Variants in CCDC154 observed in about 807,000 individuals in gnomAD.
CCDC154 encodes the protein coiled-coil domain containing 154.
A neutral mutation model predicts 87.5 loss-of-function variants in CCDC154; 91 were observed. The observed-to-expected ratio is 1.04, with a 90% confidence interval of 0.88 to 1.24. The LOEUF is 1.24. Among genes scored for constraint, CCDC154 ranks in the 50% most tolerant of loss-of-function variants. CCDC154 has a pLI of 0.00. For synonymous variants in CCDC154, 418 were observed against 400.4 expected, an observed-to-expected ratio of 1.04 and a Z score of -0.52; for missense variants, 903 against 879.2, an observed-to-expected ratio of 1.03 and a Z score of -0.34.
In CCDC154 at chr16:1,444,013, C is replaced by G; in HGVS notation, c.8-1G>C. 1 of 1,298,598 alleles carries G rather than the reference C, an allele frequency of 7.7e-7. No homozygotes were observed. The highest frequency in any genetic ancestry group is 2.1e-4 in the Middle Eastern group (1 of 4,690). The allele number at this position is 1,298,598 out of a possible 1,614,324, so 80.4% of individuals were successfully genotyped here. ...CCTGAGGGTCCACTGTCAGCCAACTCTACAAGGAGGCATCTTGGGAGCTTG... is the reference window on the plus strand; with the variant it reads ...CCTGAGGGTCCACTGTCAGCCAACTGTACAAGGAGGCATCTTGGGAGCTTG... On this transcript the variant is annotated splice_acceptor_variant, in intron 1 of 16. Transcript: ENST00000389176. LOFTEE classifies it high-confidence loss of function.
At chr16:1,438,531 C>G (rs940850145) in intron 9 of CCDC154, 88 bp downstream of exon 9, 28 of 1,237,212 alleles carry the variant, frequency 2.3e-5, no homozygotes, top group Non-Finnish European at 3.1e-5. Context: ...AAGGTCATTC[C>G]CTGCTGAGTC....
chr16:1,434,685 G>A lies in CCDC154; in HGVS notation c.1860C>T (p.Gly620=), dbSNP rs545464337. The change falls in exon 16 of 17, where the codon GGC becomes GGT. Residue 620 remains glycine, a synonymous_variant. Transcript: ENST00000389176. ...PGKVVPMNCW[G]VYQAVRWLRW... ...CTGCCCACCTCACAGCCTGGTACACGCCCCAGCAGTTCATGGGCACCACCT... is the reference window on the plus strand; with the variant it reads ...CTGCCCACCTCACAGCCTGGTACACACCCCAGCAGTTCATGGGCACCACCT... 13 of 1,546,032 alleles carry A rather than the reference G, an allele frequency of 8.4e-6. No homozygotes were observed. The highest frequency in any genetic ancestry group is 4.9e-5 in the East Asian group (2 of 40,856).
rs1237543071 is a variant in CCDC154 at position 1,443,504 on chromosome 16, A to G, written c.414+2T>C. 1.4e-6 allele frequency: 2 copies of G among 1,457,292 alleles called. No individual in the cohort carries two copies. Among genetic ancestry groups the G allele is most frequent in the Non-Finnish European group, 1.8e-6 (2 of 1,114,028 alleles). 90.3% of individuals were successfully genotyped at this position (1,457,292 alleles called of 1,614,324 possible). A position where few individuals can be genotyped will look rare whatever the true frequency, so the allele number is the denominator to read the frequency against. ...CGACCTGTGGGTGGGGGAGCCGCTC[A>G]CCTCCGGCGCCTCCTTTTCGGGGGC... is the stretch of plus-strand genomic sequence containing the variant. On this transcript the variant is annotated splice_donor_variant, in intron 3 of 16. Transcript: ENST00000389176. LOFTEE classifies it high-confidence loss of function.
intron 12 of CCDC154, 29 bp from the exon 13 acceptor site, chr16:1,436,550 G>T: frequency 6.5e-7 from 1 of 1,546,968 alleles, no homozygotes. Context: ...GCGGCGGGCA[G>T]CCCCAGGGCG....
chr16:1,440,473 GAAGAGAAGAGAAGAGAACAGAA>G (rs1456731010), intron 6 of CCDC154, among the ~76,000 whole-genome samples: 5 of 149,916 alleles, frequency 3.3e-5, no homozygotes, highest in African/African-American at 1.2e-4. Context: ...GAAGGGAAGA[GAAGAGAAGAGAAGAGAACAGAA>G]AAGAGAAGAG....
chr16:1,443,053 C>A, intron 4 of CCDC154, 78 bp from the exon 5 acceptor site: 1 of 1,495,704 alleles, frequency 6.7e-7, no homozygotes, highest in South Asian at 1.2e-5. Flanking sequence ...GGCCAAGGGG[C>A]CCCTGTGGCC....
chr16:1,435,621 G>C (rs1055534076), intron 14 of CCDC154, among the ~76,000 whole-genome samples: 5 of 152,320 alleles, frequency 3.3e-5, no homozygotes, highest in African/African-American at 1.2e-4. Flanking sequence ...CACCTTCCAG[G>C]TTCGAGTGAT....
intron 8 of CCDC154, 25 bp downstream of exon 8, chr16:1,438,790 C>G: frequency 6.5e-7 from 1 of 1,541,346 alleles, no homozygotes; most frequent in Non-Finnish European, 8.7e-7. Context: ...CCGGCCCCAC[C>G]TGCCCGCCGC....
At chr16:1,435,519 T>TTTTTG (rs536826935) in intron 14 of CCDC154, among the ~76,000 whole-genome samples, 29 of 150,780 alleles carry the variant, frequency 1.9e-4, no homozygotes, top group East Asian at 1.2e-3. Flanking sequence ...TTTGTTTTTG[T>TTTTTG]TTTTGTTTTG....
chr16:1,443,284 G>T lies in CCDC154; in HGVS notation c.432C>A (p.Asn144Lys). The T allele has an allele frequency of 6.5e-7, 1 of 1,549,384 alleles. No individual in the cohort carries two copies. Among genetic ancestry groups the T allele is most frequent in the South Asian group, 1.2e-5 (1 of 84,040 alleles). ...KEAPEFSGLQ[N>K]QMQALDKRLV... ...ACCTTTTGTCCAGGGCCTGCATCTG[G>T]TTCTGGAGACCAGAGAACTGCGAGG... Residue 144 changes from asparagine (N) to lysine (K), a missense_variant, in exon 4 of 17, where the codon AAC becomes AAA. Transcript: ENST00000389176.
At chr16:1,437,529 T>C (rs2142351980) in intron 11 of CCDC154, 1 of 409,478 alleles carries the variant, frequency 2.4e-6, no homozygotes, top group East Asian at 4.0e-5. Flanking sequence ...TGGAGGCCGC[T>C]TGTCTGCCCC....
In CCDC154 at chr16:1,443,645, C is replaced by G. The variant is rs576194066; in HGVS notation, c.275G>C (p.Arg92Pro). 2.3e-5 allele frequency: 31 copies of G among 1,345,198 alleles called. No homozygotes were observed. In the East Asian group the frequency reaches 3.4e-4, roughly 15 times the overall value. 83.3% of individuals were successfully genotyped at this position (1,345,198 alleles called of 1,614,324 possible). A position where few individuals can be genotyped will look rare whatever the true frequency, so the allele number is the denominator to read the frequency against. The change falls in exon 3 of 17, where the codon CGC becomes CCC. Residue 92 changes from arginine to proline, a missense_variant. Arg to Pro is a moderately radical substitution (Grantham distance 103). Transcript: ENST00000389176. Reference protein sequence around the residue: ...EVACLREHKQRCERATRSLLR... With the variant: ...EVACLREHKQPCERATRSLLR... ...CAGGCTCCGCGTGGCGCGCTCACAG[C>G]GCTGCTTGTGCTCCCGCAGGCAGGC... is the stretch of plus-strand genomic sequence containing the variant.
chr16:1,438,120 T>G lies in CCDC154; in HGVS notation c.1082A>C (p.Gln361Pro). 1 of 1,548,610 alleles carries G rather than the reference T, an allele frequency of 6.5e-7. No homozygotes were observed. Among genetic ancestry groups the G allele is most frequent in the Non-Finnish European group, 8.7e-7 (1 of 1,146,008 alleles). ...CAGCTGTGCGGCCTCCAGGTTCTCC[T>G]GCACATAGGCGGCCAGCTCCCCAGC... The part of the protein sequence containing the change: ...SRAGELAAYV[Q>P]ENLEAAQLAG... Residue 361 changes from glutamine to proline, a missense_variant, in exon 10 of 17, where the codon CAG (glutamine) becomes CCG (proline). Physicochemically the swap from Gln to Pro is moderately conservative, Grantham distance 76. Coordinates refer to ENST00000389176, the MANE Select transcript of CCDC154 (RefSeq NM_001143980.3).
chr16:1,435,476 G>C (rs945991395), intron 14 of CCDC154, among the ~76,000 whole-genome samples: 2 of 152,236 alleles, frequency 1.3e-5, no homozygotes, highest in African/African-American at 4.8e-5. Flanking sequence ...GCCAGAGGCT[G>C]AGACAAGCTG....
chr16:1,435,382 C>A, intron 14 of CCDC154: 1 of 602,742 alleles, frequency 1.7e-6, no homozygotes, highest in Non-Finnish European at 2.9e-6. Context: ...GGGACCTGGC[C>A]AGGGCTCAGG....
At chr16:1,441,402 C>A (rs557732019) in intron 6 of CCDC154, among the ~76,000 whole-genome samples, 4 of 152,212 alleles carry the variant, frequency 2.6e-5, no homozygotes, top group Non-Finnish European at 2.9e-5. Context: ...CTGCCTGATG[C>A]GCACGGGAGC....
rs547611079 is a variant in CCDC154, at chr16:1,438,162, C to A, written c.1040G>T (p.Arg347Leu). ...AEEKAWDAKG[R>L]LEESRAGELA... ...CTCCCCAGCCCGGCTTTCCTCCAAG[C>A]GCCCCTTGGCGTCCCTAGGGGTTGG... is the stretch of plus-strand genomic sequence containing the variant. The change falls in exon 10 of 17, where the codon CGC becomes CTC. Residue 347 changes from arginine (R) to leucine (L), a missense_variant. Arg to Leu is a moderately radical substitution (Grantham distance 102). Coordinates refer to ENST00000389176, the MANE Select transcript of CCDC154 (RefSeq NM_001143980.3). The A allele has an allele frequency of 7.1e-6, 11 of 1,543,022 alleles. No individual in the cohort carries two copies. Among genetic ancestry groups the A allele is most frequent in the Admixed American group, 4.0e-5 (2 of 50,442 alleles).
chr16:1,434,678 G>T lies in CCDC154; in HGVS notation c.1867C>A (p.Gln623Lys), dbSNP rs1053234455. The change falls in exon 16 of 17, where the codon CAG becomes AAG. Residue 623 changes from glutamine to lysine, a missense_variant. Coordinates refer to ENST00000389176, the MANE Select transcript of CCDC154 (RefSeq NM_001143980.3). ...ATCCCTGCTGCCCACCTCACAGCCTGGTACACGCCCCAGCAGTTCATGGGC... is the reference window on the plus strand; with the variant it reads ...ATCCCTGCTGCCCACCTCACAGCCTTGTACACGCCCCAGCAGTTCATGGGC... The part of the protein sequence containing the change: ...VVPMNCWGVY[Q>K]AVRWLRWKAS... 19 of 1,546,248 alleles carry T rather than the reference G, an allele frequency of 1.2e-5. No individual in the cohort carries two copies. Among genetic ancestry groups the T allele is most frequent in the Non-Finnish European group, 1.6e-5 (18 of 1,146,762 alleles).
rs974315471 is a variant in CCDC154, at chr16:1,443,807, C to G, written c.213G>C (p.Gln71His). 5 of 1,304,814 alleles carry G rather than the reference C, an allele frequency of 3.8e-6. No individual in the cohort carries two copies. The African/African-American group carries it at 7.6e-5, about 20-fold the overall frequency. 80.8% of individuals were successfully genotyped at this position (1,304,814 alleles called of 1,614,324 possible). The change falls in exon 2 of 17, where the codon CAG (glutamine) becomes CAC (histidine). Residue 71 changes from glutamine (Q) to histidine (H), a missense_variant. Transcript: ENST00000389176. Reference protein sequence around the residue: ...PEQDTAKHWNQLEQWVVELQA... With the variant: ...PEQDTAKHWNHLEQWVVELQA... Reference sequence around the variant, plus strand: ...CCTGCAGGGCTCACCACTGCTCCAGCTGGTTCCAGTGCTTGGCGGTGTCCT... The same window carrying G: ...CCTGCAGGGCTCACCACTGCTCCAGGTGGTTCCAGTGCTTGGCGGTGTCCT...
Sources: allele counts gnomAD v4.1 joint callset (sites outside exome capture counted in the v4.1 genomes callset), GRCh38; gene constraint gnomAD v4.1.1; transcripts MANE v1.5; gene names NCBI Gene and HGNC (gene_info 2026-07-23, HGNC 2026-07-21).